NCKAP5: variants seen among roughly 807,000 people sequenced by gnomAD.
NCKAP5 encodes nck-associated protein 5.
Under a neutral mutation model 167.0 loss-of-function variants are expected in NCKAP5, and 92 were observed. The ratio of observed to expected loss-of-function variants is 0.55; its 90% CI spans 0.47 to 0.66. The LOEUF is 0.66. Ranked by LOEUF, NCKAP5 falls within the 30% of genes least tolerant of loss-of-function variation. The probability of loss-of-function intolerance (pLI) is 0.00; values close to 1 mark genes in which losing one functional copy is unlikely to be tolerated. For missense variants in NCKAP5, 2,378 were observed against 2,315.0 expected, an observed-to-expected ratio of 1.03 and a Z score of -0.56; for synonymous variants, 891 against 877.4, an observed-to-expected ratio of 1.02 and a Z score of -0.27.
intron 3 of NCKAP5, among the ~76,000 whole-genome samples, chr2:133,346,364 T>G (rs2150791746): frequency 6.6e-6 from 1 of 152,304 alleles, no homozygotes; most frequent in African/African-American, 2.4e-5. Context: ...GATGACAGAC[T>G]GTGAATTTGA....
At chr2:133,294,840 A>G (rs1679847025) in intron 4 of NCKAP5, among the ~76,000 whole-genome samples, 1 of 152,212 alleles carries the variant, frequency 6.6e-6, no homozygotes, top group South Asian at 2.1e-4. Flanking sequence ...AAAATCTTGG[A>G]TATATAAAAG....
In NCKAP5 at chr2:133,061,027, A is replaced by T. The variant is rs192644441; in HGVS notation, c.342-66788T>A. Reference sequence around the variant, plus strand: ...CAGAATGACCACTAAAAAGAGAAAAAGCAAAAGCAGTTTCCAGATCCATGA... The same window carrying T: ...CAGAATGACCACTAAAAAGAGAAAATGCAAAAGCAGTTTCCAGATCCATGA... On this transcript the variant is annotated intron_variant, in intron 6 of 19. Coordinates refer to ENST00000409261, the MANE Select transcript of NCKAP5 (RefSeq NM_207363.3). 1.2e-3 allele frequency among the ~76,000 whole-genome samples: 181 copies of T among 152,192 alleles called. 1 individual carries two copies. The highest frequency in any genetic ancestry group is 4.0e-4 in the Non-Finnish European group (27 of 68,006).
At chr2:133,498,594 G>A (rs1682189500) in intron 3 of NCKAP5, among the ~76,000 whole-genome samples, 1 of 150,346 alleles carries the variant, frequency 6.7e-6, no homozygotes, top group Admixed American at 6.6e-5. Context: ...ACAGGGAGAA[G>A]GGAAAAATGG....
At chr2:133,460,044 GA>G in intron 3 of NCKAP5, among the ~76,000 whole-genome samples, 1 of 152,182 alleles carries the variant, frequency 6.6e-6, no homozygotes, top group East Asian at 1.9e-4. Context: ...TTAGCAGATA[GA>G]AAAAAGGTGC....
In NCKAP5 at chr2:133,504,355, T is replaced by A. The variant is rs553816231; in HGVS notation, c.69+13103A>T. 2.0e-5 allele frequency among the ~76,000 whole-genome samples: 3 copies of A among 150,586 alleles called. 1 individual carries two copies. The highest frequency in any genetic ancestry group is 7.4e-5 in the African/African-American group (3 of 40,702). On this transcript the variant is annotated intron_variant, in intron 3 of 19. Coordinates refer to ENST00000409261, the MANE Select transcript of NCKAP5 (RefSeq NM_207363.3). ...GACTTGGACAAACTGATTCCATTTA[T>A]GTCCAGCCTTCCAGGTGACATACTA... is the stretch of plus-strand genomic sequence containing the variant.
intron 2 of NCKAP5, among the ~76,000 whole-genome samples, chr2:133,548,844 C>A (rs909292285): frequency 1.4e-4 from 22 of 151,800 alleles, no homozygotes; most frequent in African/African-American, 3.9e-4. Context: ...CACCAGCTAA[C>A]ATCATAATGA....
intron 3 of NCKAP5, among the ~76,000 whole-genome samples, chr2:133,351,553 G>A (rs1684363495): frequency 1.3e-5 from 2 of 152,152 alleles, no homozygotes; most frequent in Non-Finnish European, 2.9e-5. Context: ...TTACTATTTG[G>A]CTAAAGGTGT....
intron 5 of NCKAP5, among the ~76,000 whole-genome samples, chr2:133,209,010 A>G (rs2150152847): frequency 6.6e-6 from 1 of 152,268 alleles, no homozygotes; most frequent in Non-Finnish European, 1.5e-5. Context: ...TAATTTGGGG[A>G]AAAATTTCTC....
At chr2:133,671,233 A>G in the NCKAP5 span, among the ~76,000 whole-genome samples, 1 of 151,476 alleles carries the variant, frequency 6.6e-6, no homozygotes, top group Non-Finnish European at 1.5e-5. Flanking sequence ...AAAAAAAAAA[A>G]AAAAAAGAAA....
At chr2:132,962,671 A>G (rs2076551075) in intron 8 of NCKAP5, among the ~76,000 whole-genome samples, 1 of 152,088 alleles carries the variant, frequency 6.6e-6, no homozygotes, top group Non-Finnish European at 1.5e-5. Context: ...GCTCACTGCA[A>G]GCTCCGCCTC....
chr2:133,245,140 C>T (rs770627354), intron 4 of NCKAP5, among the ~76,000 whole-genome samples: 3 of 151,992 alleles, frequency 2.0e-5, no homozygotes, highest in South Asian at 2.1e-4. Context: ...TACCCAAGAG[C>T]CAACAAAATA....
At chr2:132,768,708 C>T (rs1329387381) in intron 16 of NCKAP5, among the ~76,000 whole-genome samples, 12 of 143,752 alleles carry the variant, frequency 8.3e-5, no homozygotes, top group Non-Finnish European at 1.3e-4. Context: ...GGCGCGATCT[C>T]GGCTCACCAC....
At chr2:133,643,168 G>C in the NCKAP5 span, among the ~76,000 whole-genome samples, 4 of 152,174 alleles carry the variant, frequency 2.6e-5, no homozygotes, top group Non-Finnish European at 5.9e-5. Flanking sequence ...TAATGGGCCA[G>C]TTTGTTCATC....
At chr2:133,265,639 G>T (rs1361645487) in intron 4 of NCKAP5, among the ~76,000 whole-genome samples, 1 of 151,970 alleles carries the variant, frequency 6.6e-6, no homozygotes, top group Non-Finnish European at 1.5e-5. Context: ...GGGAGGGGCC[G>T]CCTGGGCAAG....
At chr2:133,210,043 T>A (rs935160026) in intron 5 of NCKAP5, among the ~76,000 whole-genome samples, 1 of 151,838 alleles carries the variant, frequency 6.6e-6, no homozygotes, top group Non-Finnish European at 1.5e-5. Flanking sequence ...TGAGCACTTA[T>A]AATCCCAGCT....
At chr2:133,416,221 C>T (rs1047336004) in intron 3 of NCKAP5, among the ~76,000 whole-genome samples, 5 of 152,198 alleles carry the variant, frequency 3.3e-5, no homozygotes, top group African/African-American at 1.2e-4. Flanking sequence ...TAGATGAAGA[C>T]CTTTCCTTCA....
At chr2:132,880,824 T>C (rs749771167) in intron 8 of NCKAP5, among the ~76,000 whole-genome samples, 3 of 152,134 alleles carry the variant, frequency 2.0e-5, no homozygotes, top group Non-Finnish European at 2.9e-5. Context: ...TCACAAATTG[T>C]TAACGTTTTG....
intron 3 of NCKAP5, among the ~76,000 whole-genome samples, chr2:133,310,441 C>T (rs1401105050): frequency 1.3e-5 from 2 of 152,198 alleles, no homozygotes; most frequent in Non-Finnish European, 2.9e-5. Flanking sequence ...AAATGATGGC[C>T]TCCGCAAGGT....
chr2:132,976,903 T>C (rs1365669425), intron 7 of NCKAP5, among the ~76,000 whole-genome samples: 4 of 152,174 alleles, frequency 2.6e-5, no homozygotes, highest in Non-Finnish European at 4.4e-5. Context: ...TGTGTGGCAA[T>C]TGCTGGCAAA....
Sources: allele counts gnomAD v4.1 joint callset (sites outside exome capture counted in the v4.1 genomes callset), GRCh38; gene constraint gnomAD v4.1.1; transcripts MANE v1.5; gene names NCBI Gene and HGNC (gene_info 2026-07-23, HGNC 2026-07-21).